The following PHACTR2 variants were observed in gnomAD, a reference collection of about 807,000 sequenced individuals.
The protein encoded by PHACTR2 is chromosome 6 open reading frame 56.
PHACTR2 carries 30 observed loss-of-function variants against 76.0 expected under a neutral mutation model. That is an observed-to-expected ratio of 0.39 (90% CI 0.30 to 0.54). The LOEUF (loss-of-function observed/expected upper bound fraction) is 0.54. Ranked by LOEUF, PHACTR2 falls within the 20% of genes least tolerant of loss-of-function variation. The probability of loss-of-function intolerance (pLI) is 0.61; values close to 1 mark genes in which losing one functional copy is unlikely to be tolerated. For missense variants in PHACTR2, 696 were observed against 781.1 expected (o/e 0.89, Z 1.30); for synonymous variants, 292 against 292.5 (o/e 1.00, Z 0.02).
rs138697521 is a variant in PHACTR2 at position 143,668,035 on chromosome 6, T to G, written c.14-43981T>G. 3.0e-3 allele frequency among the ~76,000 whole-genome samples: 450 copies of G among 152,374 alleles called. 3 individuals are homozygous for G. Among genetic ancestry groups the G allele is most frequent in the Non-Finnish European group, 5.0e-3 (337 of 68,042 alleles). ...GTGGGTTTATCATAAATAGCTCTTATTATTTTGAGATACGTTTTATCAACA... is the reference window on the plus strand; with the variant it reads ...GTGGGTTTATCATAAATAGCTCTTAGTATTTTGAGATACGTTTTATCAACA... On this transcript the variant is annotated intron_variant, in intron 1 of 11. Coordinates refer to the PHACTR2 transcript ENST00000305766.
At chr6:143,642,384 A>G (rs976616463) in intron 1 of PHACTR2, among the ~76,000 whole-genome samples, 1 of 152,224 alleles carries the variant, frequency 6.6e-6, no homozygotes, top group Admixed American at 6.5e-5. Context: ...TAATATAAGT[A>G]AGCAAAATTC....
At position 143,684,132 on chromosome 6, in the gene PHACTR2, A is replaced by T. The variant is rs1365959343; in HGVS notation, c.46+5923A>T. 6.6e-6 allele frequency among the ~76,000 whole-genome samples: 1 copy of T among 152,138 alleles called. No individual in the cohort carries two copies. Among genetic ancestry groups the T allele is most frequent in the Non-Finnish European group, 1.5e-5 (1 of 68,032 alleles). On this transcript the variant is annotated intron_variant, in intron 1 of 12. Coordinates refer to ENST00000440869, the MANE Select transcript of PHACTR2 (RefSeq NM_001100164.2). This position sits in a 1 kb window ranked among gnomAD's most constrained non-coding sequence, Gnocchi z 4.3. ...TCTTATGAACAATACTGAAATGAACATCCATATCTATGACCTCTCTCTGCA... is the reference window on the plus strand; with the variant it reads ...TCTTATGAACAATACTGAAATGAACTTCCATATCTATGACCTCTCTCTGCA...
chr6:143,815,211 C>T (rs1428905958), intron 12 of PHACTR2, among the ~76,000 whole-genome samples: 1 of 152,222 alleles, frequency 6.6e-6, no homozygotes, highest in African/African-American at 2.4e-5. Context: ...AAGCAAGGCT[C>T]AGTATTGGGA....
rs1775695491 is a variant in PHACTR2 at position 143,591,829 on chromosome 6, T to C, written c.217+54622T>C. Reference sequence around the variant, plus strand: ...AACCCAGACATCCTTTCCTATGCCATGTTTTGGTTACTTTGGGCCCTAGAA... The same window carrying C: ...AACCCAGACATCCTTTCCTATGCCACGTTTTGGTTACTTTGGGCCCTAGAA... On this transcript the variant is annotated intron_variant, in intron 1 of 11. Transcript: ENST00000367584. This position sits in a 1 kb window ranked among gnomAD's most constrained non-coding sequence, Gnocchi z 6.4. Among the ~76,000 whole-genome samples the C allele has an allele frequency of 2.0e-5, 3 of 152,300 alleles. No homozygotes were observed. The South Asian group carries it at 6.2e-4, about 32-fold the overall frequency.
At chr6:143,749,193 C>A (rs913249361) in intron 3 of PHACTR2, 128 bp downstream of exon 3, 1 of 597,586 alleles carries the variant, frequency 1.7e-6, no homozygotes, top group Non-Finnish European at 3.0e-6. Flanking sequence ...GCATTCCAAG[C>A]GCCGTGCTTC....
rs963864056 is a variant in PHACTR2, at chr6:143,596,159, A to G, written c.217+58952A>G. Among the ~76,000 whole-genome samples, 7 of 152,222 alleles carry G rather than the reference A, an allele frequency of 4.6e-5. No individual in the cohort carries two copies. The highest frequency in any genetic ancestry group is 1.7e-4 in the African/African-American group (7 of 41,472). On this transcript the variant is annotated intron_variant, in intron 1 of 11. Coordinates refer to the PHACTR2 transcript ENST00000367584. The surrounding 1 kb of genome is among the most constrained non-coding windows in gnomAD (Gnocchi z 4.6). ...TATTTTATAGCACTATCCACATGTT[A>G]ATTGAATCTTGATCCTCAGGCCTGC...
In PHACTR2 at chr6:143,722,395, C is replaced by T. The variant is rs555724258; in HGVS notation, c.214+10212C>T. 6.6e-6 allele frequency among the ~76,000 whole-genome samples: 1 copy of T among 152,188 alleles called. No homozygotes were observed. Among genetic ancestry groups the T allele is most frequent in the South Asian group, 2.1e-4 (1 of 4,824 alleles). ...TACCATTTTGTGGGTGTTTTCTTCTCTCTTGAATTCAACTTTAAGATTCTC... is the reference window on the plus strand; with the variant it reads ...TACCATTTTGTGGGTGTTTTCTTCTTTCTTGAATTCAACTTTAAGATTCTC... On this transcript the variant is annotated intron_variant, in intron 2 of 12. Coordinates refer to ENST00000440869, the MANE Select transcript of PHACTR2 (RefSeq NM_001100164.2). This position sits in a 1 kb window ranked among gnomAD's most constrained non-coding sequence, Gnocchi z 4.1.
At position 143,543,890 on chromosome 6, in the gene PHACTR2, G is replaced by A. The variant is rs77803145; in HGVS notation, c.217+6683G>A. Among the ~76,000 whole-genome samples, 149 of 152,318 alleles carry A rather than the reference G, an allele frequency of 9.8e-4. 1 individual carries two copies. The highest frequency in any genetic ancestry group is 5.4e-3 in the Admixed American group (83 of 15,294). On this transcript the variant is annotated intron_variant, in intron 1 of 11. Transcript: ENST00000367584. This position sits in a 1 kb window ranked among gnomAD's most constrained non-coding sequence, Gnocchi z 4.7. Reference sequence around the variant, plus strand: ...TGAAAGACAGAGACAATGGTAGAAAGAGCACAGACAACTGAGATTGGGACT... The same window carrying A: ...TGAAAGACAGAGACAATGGTAGAAAAAGCACAGACAACTGAGATTGGGACT...
rs1041107003 is a variant in PHACTR2 at position 143,809,397 on chromosome 6, G to A, written c.1922+2264G>A. Among the ~76,000 whole-genome samples the A allele has an allele frequency of 1.3e-5, 2 of 151,956 alleles. No individual in the cohort carries two copies. The highest frequency in any genetic ancestry group is 2.9e-5 in the Non-Finnish European group (2 of 68,004). Reference sequence around the variant, plus strand: ...TTTGTTTGTTTGTTTTTTTAGTAGAGATGAGGTCTTGCTATGTTGCCCAGG... The same window carrying A: ...TTTGTTTGTTTGTTTTTTTAGTAGAAATGAGGTCTTGCTATGTTGCCCAGG... On this transcript the variant is annotated intron_variant, in intron 12 of 12. Coordinates refer to ENST00000440869, the MANE Select transcript of PHACTR2 (RefSeq NM_001100164.2). The surrounding 1 kb of genome is among the most constrained non-coding windows in gnomAD (Gnocchi z 4.2).
At position 143,807,389 on chromosome 6, in the gene PHACTR2, T is replaced by C. The variant is rs139871240; in HGVS notation, c.1922+256T>C. 4.6e-5 allele frequency among the ~76,000 whole-genome samples: 7 copies of C among 152,392 alleles called. No homozygotes were observed. Among genetic ancestry groups the C allele is most frequent in the African/African-American group, 1.7e-4 (7 of 41,604 alleles). The stretch of plus-strand genomic sequence containing the variant: ...TTAAAGATATGACTAGATAAGATTG[T>C]AAATTTCTAGAATTTCATAATAAAC... On this transcript the variant is annotated intron_variant, in intron 12 of 12. Coordinates refer to ENST00000440869, the MANE Select transcript of PHACTR2 (RefSeq NM_001100164.2). This position sits in a 1 kb window ranked among gnomAD's most constrained non-coding sequence, Gnocchi z 5.5.
In PHACTR2 at chr6:143,663,877, T is replaced by C. The variant is rs941673903; in HGVS notation, c.14-48139T>C. Among the ~76,000 whole-genome samples, 1 of 152,202 alleles carries C rather than the reference T, an allele frequency of 6.6e-6. No homozygotes were observed. The highest frequency in any genetic ancestry group is 1.9e-4 in the East Asian group (1 of 5,204). ...TTAAATCAATGTACAGTTGCCATTT[T>C]CTTGAGTACAAGTCTCTACACGTTT... On this transcript the variant is annotated intron_variant, in intron 1 of 11. Coordinates refer to the PHACTR2 transcript ENST00000305766. This position sits in a 1 kb window ranked among gnomAD's most constrained non-coding sequence, Gnocchi z 4.1.
Position 143,654,134 on chromosome 6 carries a change from G to A in PHACTR2, c.13+45812G>A, listed in dbSNP as rs1040857671. On this transcript the variant is annotated intron_variant, in intron 1 of 11. Coordinates refer to the PHACTR2 transcript ENST00000305766. The surrounding 1 kb of genome is among the most constrained non-coding windows in gnomAD (Gnocchi z 4.6). ...ATGCTCAGCATCATTAACCATCAGG[G>A]AAATACAAATCAAAACCACAAGAGA... Among the ~76,000 whole-genome samples the A allele has an allele frequency of 3.3e-5, 5 of 152,126 alleles. No individual in the cohort carries two copies. The highest frequency in any genetic ancestry group is 7.3e-5 in the Non-Finnish European group (5 of 68,030).
At position 143,558,838 on chromosome 6, in the gene PHACTR2, G is replaced by A. The variant is rs1775220015; in HGVS notation, c.217+21631G>A. Among the ~76,000 whole-genome samples the A allele has an allele frequency of 6.6e-6, 1 of 152,280 alleles. No homozygotes were observed. The highest frequency in any genetic ancestry group is 2.4e-5 in the African/African-American group (1 of 41,556). ...GGACCTTGCTGCAAACAGTGGACCA[G>A]TAATGGTGATTAGGTAGCTCGAGGG... On this transcript the variant is annotated intron_variant, in intron 1 of 11. Coordinates refer to the PHACTR2 transcript ENST00000367584. This position sits in a 1 kb window ranked among gnomAD's most constrained non-coding sequence, Gnocchi z 4.7.
Position 143,688,293 on chromosome 6 carries a change from G to T in PHACTR2, c.46+10084G>T. ...GAGAGACTGAAAGTGGGACCAAGAA[G>T]TAGGCTGGAATAATCCAGCAAGGTG... On this transcript the variant is annotated intron_variant, in intron 1 of 12. Transcript: ENST00000440869. This position sits in a 1 kb window ranked among gnomAD's most constrained non-coding sequence, Gnocchi z 5.2. Among the ~76,000 whole-genome samples, 1 of 152,062 alleles carries T rather than the reference G, an allele frequency of 6.6e-6. No individual in the cohort carries two copies. The highest frequency in any genetic ancestry group is 1.9e-4 in the East Asian group (1 of 5,172).
At position 143,722,391 on chromosome 6, in the gene PHACTR2, T is replaced by A. The variant is rs1167573612; in HGVS notation, c.214+10208T>A. Among the ~76,000 whole-genome samples the A allele has an allele frequency of 6.6e-6, 1 of 152,198 alleles. No homozygotes were observed. The highest frequency in any genetic ancestry group is 2.4e-5 in the African/African-American group (1 of 41,456). Reference sequence around the variant, plus strand: ...TTTATACCATTTTGTGGGTGTTTTCTTCTCTCTTGAATTCAACTTTAAGAT... The same window carrying A: ...TTTATACCATTTTGTGGGTGTTTTCATCTCTCTTGAATTCAACTTTAAGAT... On this transcript the variant is annotated intron_variant, in intron 2 of 12. Transcript: ENST00000440869. The surrounding 1 kb of genome is among the most constrained non-coding windows in gnomAD (Gnocchi z 4.1).
Position 143,596,833 on chromosome 6 carries a change from A to T in PHACTR2, c.217+59626A>T, listed in dbSNP as rs1378941167. On this transcript the variant is annotated intron_variant, in intron 1 of 11. Coordinates refer to the PHACTR2 transcript ENST00000367584. This position sits in a 1 kb window ranked among gnomAD's most constrained non-coding sequence, Gnocchi z 4.6. ...AGCTTGAGTGACAGAGTGAGACCTCATCTCAAAAAAAATAAAAATAAAAAT... is the reference window on the plus strand; with the variant it reads ...AGCTTGAGTGACAGAGTGAGACCTCTTCTCAAAAAAAATAAAAATAAAAAT... Among the ~76,000 whole-genome samples, 1 of 152,088 alleles carries T rather than the reference A, an allele frequency of 6.6e-6. No homozygotes were observed. Among genetic ancestry groups the T allele is most frequent in the Admixed American group, 6.6e-5 (1 of 15,256 alleles).
chr6:143,685,658 G>A (rs532095353), intron 1 of PHACTR2, among the ~76,000 whole-genome samples: 1 of 141,406 alleles, frequency 7.1e-6, no homozygotes, highest in African/African-American at 2.8e-5. Context: ...TGATCACTTG[G>A]TAAATGAAAT....
In PHACTR2 at chr6:143,784,061, G is replaced by A. The variant is rs939702416; in HGVS notation, c.1707+781G>A. On this transcript the variant is annotated intron_variant, in intron 10 of 12. Coordinates refer to ENST00000440869, the MANE Select transcript of PHACTR2 (RefSeq NM_001100164.2). This position sits in a 1 kb window ranked among gnomAD's most constrained non-coding sequence, Gnocchi z 4.5. ...GAAAAAAAAAAAGAAAAAAAGAAGT[G>A]AAAAAAGTTTTTAATTATGATAAAA... 2.6e-5 allele frequency among the ~76,000 whole-genome samples: 4 copies of A among 151,152 alleles called. No individual in the cohort carries two copies. Among genetic ancestry groups the A allele is most frequent in the Non-Finnish European group, 4.4e-5 (3 of 67,806 alleles).
At chr6:143,729,587 AG>A (rs543971326) in intron 2 of PHACTR2, among the ~76,000 whole-genome samples, 15 of 152,162 alleles carry the variant, frequency 9.9e-5, no homozygotes, top group Admixed American at 2.6e-4. Context: ...TTTGTTGAAA[AG>A]ATCATCCTTT....
Sources: gnomAD v4.1 joint callset for allele counts (sites outside exome capture counted in the v4.1 genomes callset) on GRCh38, gnomAD v4.1.1 for gene constraint, Gnocchi (gnomAD v3.1) non-coding constraint, MANE v1.5 for transcripts, NCBI Gene and HGNC (gene_info 2026-07-23, HGNC 2026-07-21) for gene names.